DEPDC4: variants seen among roughly 807,000 people sequenced by gnomAD.
DEPDC4 encodes the protein DEP domain containing 4, also known as DEP domain-containing protein 4.
DEPDC4 carries 52 observed loss-of-function variants against 52.0 expected under a neutral mutation model. The observed-to-expected ratio is 1.00, with a 90% CI of 0.80 to 1.26. DEPDC4 has a LOEUF of 1.26. Among genes scored for constraint, DEPDC4 ranks in the 50% most tolerant of loss-of-function variants. The pLI is 0.00. For synonymous variants in DEPDC4, 201 were observed against 196.8 expected, an observed-to-expected ratio of 1.02 and a Z score of -0.18; for missense variants, 530 against 546.9, an observed-to-expected ratio of 0.97 and a Z score of 0.31.
chr12:100,260,250 A>G (rs2096249132), intron 3 of DEPDC4, among the ~76,000 whole-genome samples: 1 of 151,742 alleles, frequency 6.6e-6, no homozygotes, highest in African/African-American at 2.4e-5. Context: ...CCTCCAGAGT[A>G]GCTAGGATTA....
intron 4 of DEPDC4, among the ~76,000 whole-genome samples, chr12:100,255,158 T>G (rs1486153742): frequency 6.6e-6 from 1 of 152,254 alleles, no homozygotes; most frequent in African/African-American, 2.4e-5. Context: ...ACAGCTAATC[T>G]GCCCTTTTTG....
At chr12:100,231,818 G>A (rs775757188) in intron 9 of DEPDC4, among the ~76,000 whole-genome samples, 4 of 151,942 alleles carry the variant, frequency 2.6e-5, no homozygotes, top group Non-Finnish European at 5.9e-5. Context: ...GGTGGGTCAC[G>A]CTTGTAGTAC....
At chr12:100,258,690 A>G (rs1243997604) in intron 3 of DEPDC4, among the ~76,000 whole-genome samples, 1 of 147,276 alleles carries the variant, frequency 6.8e-6, no homozygotes, top group Non-Finnish European at 1.5e-5. Context: ...AAATACCTTT[A>G]AAAGTATTTG....
At position 100,261,353 on chromosome 12, in the gene DEPDC4, T is replaced by C. The variant is rs1247781426; in HGVS notation, c.700+911A>G. Among the ~76,000 whole-genome samples, 5 of 152,296 alleles carry C rather than the reference T, an allele frequency of 3.3e-5. No individual in the cohort carries two copies. In the East Asian group the frequency reaches 9.6e-4, roughly 29 times the overall value. Reference sequence around the variant, plus strand: ...TTGCTTCTGTCATGGTTTGACCAAATGGAGTAAAGGGCCATTAATGAATTT... The same window carrying C: ...TTGCTTCTGTCATGGTTTGACCAAACGGAGTAAAGGGCCATTAATGAATTT... On this transcript the variant is annotated intron_variant, in intron 3 of 9. Transcript: ENST00000550587.
intron 7 of DEPDC4, among the ~76,000 whole-genome samples, chr12:100,251,783 G>A (rs1215662564): frequency 6.6e-6 from 1 of 152,136 alleles, no homozygotes. Context: ...GGCCAGGCTG[G>A]TCTTGAACTC....
At chr12:100,276,337 A>G in the DEPDC4 span, among the ~76,000 whole-genome samples, 1 of 151,464 alleles carries the variant, frequency 6.6e-6, no homozygotes, top group Non-Finnish European at 1.5e-5. Flanking sequence ...CTTTCTTTTT[A>G]TTTTTATTTT....
At chr12:100,277,470 T>C in the DEPDC4 span, among the ~76,000 whole-genome samples, 382 of 152,382 alleles carry the variant, frequency 2.5e-3, 5 homozygotes, top group East Asian at 0.037. Flanking sequence ...AGTATTGTTA[T>C]GTCTTTTTGG....
At chr12:100,232,905 C>T (rs2096136651) in intron 9 of DEPDC4, among the ~76,000 whole-genome samples, 1 of 151,880 alleles carries the variant, frequency 6.6e-6, no homozygotes, top group African/African-American at 2.4e-5. Context: ...CAAAACAAAA[C>T]AAAACAAACA....
At chr12:100,254,319 C>CTTTTTTTT (rs67921438) in intron 4 of DEPDC4, among the ~76,000 whole-genome samples, 1 of 89,434 alleles carries the variant, frequency 1.1e-5, no homozygotes, top group Non-Finnish European at 2.0e-5. Context: ...TTTTTTTTGA[C>CTTTTTTTT]TTTTTTTTTT....
chr12:100,248,648 G>A (rs909100673), intron 8 of DEPDC4, among the ~76,000 whole-genome samples: 2 of 152,182 alleles, frequency 1.3e-5, no homozygotes, highest in Admixed American at 6.5e-5. Flanking sequence ...GATAATTGAA[G>A]GGGAGGTGAG....
At chr12:100,261,617 T>C (rs1291255749) in intron 3 of DEPDC4, 3 of 434,816 alleles carry the variant, frequency 6.9e-6, no homozygotes, top group Non-Finnish European at 1.4e-5. Context: ...TACTAAGGAC[T>C]GTGGTGAGTC....
rs1206151765 is a variant in DEPDC4, at chr12:100,263,660, T to C, written c.391A>G (p.Lys131Glu). The C allele has an allele frequency of 1.9e-6, 3 of 1,614,098 alleles. No individual in the cohort carries two copies. Among genetic ancestry groups the C allele is most frequent in the Non-Finnish European group, 1.7e-6 (2 of 1,180,000 alleles). The change falls in exon 2 of 10, where the codon AAA becomes GAA. Residue 131 changes from lysine (K) to glutamate (E), a missense_variant. Transcript: ENST00000550587. ...VHLCQVLMNHKVFEPVGMKKL... is the reference protein window; with the variant it reads ...VHLCQVLMNHEVFEPVGMKKL... ...TTCATTCCTACTGGTTCAAATACTT[T>C]GTGATTCATTAGAACTTGGCAAAGA... is the stretch of plus-strand genomic sequence containing the variant.
chr12:100,242,324 CTTT>C (rs746693169), intron 9 of DEPDC4, among the ~76,000 whole-genome samples, 159 bp downstream of exon 9: 5 of 96,010 alleles, frequency 5.2e-5, no homozygotes, highest in East Asian at 3.0e-4. Flanking sequence ...ACTATGAGGG[CTTT>C]TTTTTTTTTT....
At chr12:100,260,611 C>T (rs1038561119) in intron 3 of DEPDC4, among the ~76,000 whole-genome samples, 19 of 151,082 alleles carry the variant, frequency 1.3e-4, no homozygotes, top group Non-Finnish European at 1.0e-4. Context: ...CATGGTGGCT[C>T]ACACCTATAA....
At chr12:100,252,149 T>C in intron 7 of DEPDC4, 27 bp downstream of exon 7, 2 of 1,149,770 alleles carry the variant, frequency 1.7e-6, no homozygotes, top group Non-Finnish European at 2.2e-6. Flanking sequence ...TAGTAATAAA[T>C]GTGCCCAGGC....
intron 5 of DEPDC4, 26 bp downstream of exon 5, chr12:100,253,463 A>G (rs1266711207): frequency 9.4e-7 from 1 of 1,065,962 alleles, no homozygotes; most frequent in South Asian, 1.4e-5. Flanking sequence ...TACACCAAAA[A>G]TTAAAATATA....
At chr12:100,279,361 C>T in the DEPDC4 span, among the ~76,000 whole-genome samples, 1 of 152,200 alleles carries the variant, frequency 6.6e-6, no homozygotes, top group Non-Finnish European at 1.5e-5. Flanking sequence ...GCTCGCCTAC[C>T]GCTCACCTCC....
downstream of DEPDC4, among the ~76,000 whole-genome samples, chr12:100,236,872 G>A (rs2096142127): frequency 6.6e-6 from 1 of 152,104 alleles, no homozygotes; most frequent in Non-Finnish European, 1.5e-5. Context: ...GGTGAGAGAT[G>A]AGGAATCCAG....
intron 1 of DEPDC4, among the ~76,000 whole-genome samples, chr12:100,264,975 A>G (rs1241343205): frequency 6.6e-6 from 1 of 152,198 alleles, no homozygotes; most frequent in Non-Finnish European, 1.5e-5. Context: ...AAAATTGCTG[A>G]GAAATAATGA....
Sources: allele counts gnomAD v4.1 joint callset (sites outside exome capture counted in the v4.1 genomes callset), GRCh38; gene constraint gnomAD v4.1.1; transcripts MANE v1.5; gene names NCBI Gene and HGNC (gene_info 2026-07-23, HGNC 2026-07-21).